PDE10A: variants seen among roughly 807,000 people sequenced by gnomAD.
PDE10A encodes the protein phosphodiesterase 10A, also known as cAMP and cAMP-inhibited cGMP 3',5'-cyclic phosphodiesterase 10A.
PDE10A carries 39 observed loss-of-function variants against 97.7 expected under a neutral mutation model. That is an observed-to-expected ratio of 0.40 (90% CI 0.31 to 0.52). The LOEUF (loss-of-function observed/expected upper bound fraction) is 0.52, where lower values mean the gene tolerates loss of function less well. Ranked by LOEUF, PDE10A falls within the 20% of genes least tolerant of loss-of-function variation. PDE10A has a pLI of 0.56. For missense variants in PDE10A, 731 were observed against 1,047.8 expected (o/e 0.70, Z 4.17); for synonymous variants, 371 against 376.8 (o/e 0.98, Z 0.18).
chr6:165,539,843 C>T (rs1411078834), intron 2 of PDE10A, among the ~76,000 whole-genome samples: 1 of 152,134 alleles, frequency 6.6e-6, no homozygotes, highest in Non-Finnish European at 1.5e-5. Flanking sequence ...AGGAGAATCA[C>T]TTGAACCTTG....
intron 1 of PDE10A, among the ~76,000 whole-genome samples, chr6:165,619,398 T>TCTAGC (rs1370657608): frequency 1.4e-5 from 2 of 143,410 alleles, no homozygotes; most frequent in Non-Finnish European, 3.1e-5. Flanking sequence ...TATAGTGTAG[T>TCTAGC]GTAGTGTAGT....
At chr6:165,736,260 T>C (rs1005854972) in intron 1 of PDE10A, among the ~76,000 whole-genome samples, 2 of 152,188 alleles carry the variant, frequency 1.3e-5, no homozygotes, top group Non-Finnish European at 2.9e-5. Context: ...GAGTCTCTAG[T>C]CCCCTCATAG....
chr6:165,469,483 C>T (rs1399409319), intron 3 of PDE10A, among the ~76,000 whole-genome samples: 1 of 152,180 alleles, frequency 6.6e-6, no homozygotes, highest in African/African-American at 2.4e-5. Context: ...AACAACCAAT[C>T]CGTAATTTAT....
At chr6:165,430,755 G>A (rs939365499) in intron 8 of PDE10A, among the ~76,000 whole-genome samples, 5 of 152,020 alleles carry the variant, frequency 3.3e-5, no homozygotes, top group Non-Finnish European at 5.9e-5. Context: ...ACCTACACCT[G>A]ATAATTCGAG....
At chr6:165,469,481 A>G (rs1326798520) in intron 3 of PDE10A, among the ~76,000 whole-genome samples, 2 of 152,234 alleles carry the variant, frequency 1.3e-5, no homozygotes, top group African/African-American at 2.4e-5. Context: ...AAAACAACCA[A>G]TCCGTAATTT....
intron 1 of PDE10A, among the ~76,000 whole-genome samples, chr6:165,898,754 T>G (rs1366824193): frequency 6.6e-6 from 1 of 151,952 alleles, no homozygotes. Flanking sequence ...ATTCTTTGTC[T>G]CCATGTGGCA....
At chr6:165,859,932 C>T (rs1006420682) in intron 1 of PDE10A, among the ~76,000 whole-genome samples, 20 of 152,180 alleles carry the variant, frequency 1.3e-4, no homozygotes, top group East Asian at 9.7e-4. Context: ...AGTAAAGTAA[C>T]TCAGGAATGG....
chr6:165,394,790 G>A (rs1304827911), intron 15 of PDE10A, among the ~76,000 whole-genome samples: 1 of 152,106 alleles, frequency 6.6e-6, no homozygotes, highest in African/African-American at 2.4e-5. Flanking sequence ...TCTCATTGTG[G>A]TTTTGATTTG....
intron 2 of PDE10A, among the ~76,000 whole-genome samples, chr6:165,526,779 C>T (rs533229392): frequency 1.3e-5 from 2 of 152,208 alleles, no homozygotes; most frequent in African/African-American, 4.8e-5. Flanking sequence ...TTAGCAAATG[C>T]CTTTTTCTCC....
intron 13 of PDE10A, among the ~76,000 whole-genome samples, chr6:165,399,515 T>C (rs1002392507): frequency 6.6e-6 from 1 of 152,184 alleles, no homozygotes; most frequent in Non-Finnish European, 1.5e-5. Context: ...ATGTGCCATG[T>C]TGGTGTGCTG....
At position 165,418,861 on chromosome 6, in the gene PDE10A, A is replaced by C; in HGVS notation, c.1654-84T>G. Reference sequence around the variant, plus strand: ...AAACTTTATCATAAAATAAGTATTAATTTCAGCTGTCCTATACTCTAATTG... The same window carrying C: ...AAACTTTATCATAAAATAAGTATTACTTTCAGCTGTCCTATACTCTAATTG... On this transcript the variant is annotated intron_variant, in intron 10 of 21. Transcript: ENST00000539869. The surrounding 1 kb of genome is among the most constrained non-coding windows in gnomAD (Gnocchi z 4.8). The C allele has an allele frequency of 7.2e-6, 8 of 1,105,090 alleles. No individual in the cohort carries two copies. The highest frequency in any genetic ancestry group is 1.1e-5 in the Non-Finnish European group (8 of 748,134). 68.5% of individuals were successfully genotyped at this position (1,105,090 alleles called of 1,614,324 possible).
chr6:165,918,340 C>G (rs1204999623), intron 1 of PDE10A, among the ~76,000 whole-genome samples: 1 of 152,106 alleles, frequency 6.6e-6, no homozygotes, highest in Non-Finnish European at 1.5e-5. Context: ...ATATAATACA[C>G]GTTTTCAGAC....
At chr6:165,822,857 G>A (rs1779612174) in intron 1 of PDE10A, among the ~76,000 whole-genome samples, 1 of 151,002 alleles carries the variant, frequency 6.6e-6, no homozygotes, top group South Asian at 2.1e-4. Flanking sequence ...TTTTTTTTGA[G>A]ACGGAGTCTT....
At chr6:165,772,905 T>G (rs1367687869) in intron 1 of PDE10A, among the ~76,000 whole-genome samples, 1 of 152,238 alleles carries the variant, frequency 6.6e-6, no homozygotes, top group Admixed American at 6.5e-5. Flanking sequence ...TGGGCATCCT[T>G]TTCGTAGAAA....
intron 1 of PDE10A, among the ~76,000 whole-genome samples, chr6:165,881,435 C>A (rs138315880): frequency 7.5e-6 from 1 of 132,512 alleles, no homozygotes; most frequent in Non-Finnish European, 1.5e-5. Flanking sequence ...CTTGCTCTGT[C>A]GCCAGGGTGG....
chr6:165,427,665 G>A (rs1360907882), intron 10 of PDE10A, among the ~76,000 whole-genome samples: 2 of 152,074 alleles, frequency 1.3e-5, no homozygotes, highest in African/African-American at 4.8e-5. Flanking sequence ...CTTCAATAAA[G>A]CTGTTTTTAA....
At chr6:165,832,815 C>T (rs1197421020) in intron 1 of PDE10A, among the ~76,000 whole-genome samples, 1 of 152,184 alleles carries the variant, frequency 6.6e-6, no homozygotes, top group Non-Finnish European at 1.5e-5. Flanking sequence ...GTGTTGGAGA[C>T]ATTTTGTGGT....
intron 1 of PDE10A, among the ~76,000 whole-genome samples, chr6:165,889,832 C>G (rs1781725616): frequency 6.6e-6 from 1 of 150,728 alleles, no homozygotes; most frequent in African/African-American, 2.4e-5. Context: ...CTCCCTCCCT[C>G]TCGCCCCACT....
intron 17 of PDE10A, among the ~76,000 whole-genome samples, chr6:165,385,748 G>A (rs1362302207): frequency 1.3e-5 from 2 of 152,196 alleles, no homozygotes; most frequent in Non-Finnish European, 2.9e-5. Context: ...ACTCTTCCCT[G>A]AATGTTCCTG....
Sources: allele counts gnomAD v4.1 joint callset (sites outside exome capture counted in the v4.1 genomes callset), GRCh38; gene constraint gnomAD v4.1.1; non-coding constraint Gnocchi (gnomAD v3.1); transcripts MANE v1.5; gene names NCBI Gene and HGNC (gene_info 2026-07-23, HGNC 2026-07-21).